The following HS6ST3 variants were observed in gnomAD, a reference collection of about 807,000 sequenced individuals.
HS6ST3 encodes heparan-sulfate 6-O-sulfotransferase 3.
Under a neutral mutation model 36.7 loss-of-function variants are expected in HS6ST3, and 12 were observed. That is an observed-to-expected ratio of 0.33 (90% confidence interval 0.21 to 0.53). HS6ST3 has a LOEUF of 0.53. Among genes scored for constraint, HS6ST3 ranks in the 20% least tolerant of loss-of-function variants. The pLI is 0.95. For synonymous variants in HS6ST3, 240 were observed against 257.5 expected, an observed-to-expected ratio of 0.93 and a Z score of 0.65; for missense variants, 584 against 640.9, an observed-to-expected ratio of 0.91 and a Z score of 0.96.
chr13:96,556,245 G>A (rs2056240340), intron 1 of HS6ST3, among the ~76,000 whole-genome samples: 1 of 152,096 alleles, frequency 6.6e-6, no homozygotes, highest in African/African-American at 2.4e-5. Context: ...GAATAGGAGG[G>A]GCCTGGTTGT....
At position 96,518,703 on chromosome 13, in the gene HS6ST3, T is replaced by C. The variant is rs530402976; in HGVS notation, c.708-313787T>C. On this transcript the variant is annotated intron_variant, in intron 1 of 1. Coordinates refer to ENST00000376705, the MANE Select transcript of HS6ST3 (RefSeq NM_153456.4). ...TTGCAGGTTTTTTAAGCTGTAAACA[T>C]TAGAATGTCTGGATTAAGACAGGAA... Among the ~76,000 whole-genome samples the C allele has an allele frequency of 7.9e-5, 12 of 152,292 alleles. No individual in the cohort carries two copies. In the East Asian group the frequency reaches 1.9e-3, roughly 24 times the overall value.
intron 1 of HS6ST3, among the ~76,000 whole-genome samples, chr13:96,110,546 C>T (rs1168252121): frequency 1.3e-5 from 2 of 151,786 alleles, no homozygotes; most frequent in Non-Finnish European, 2.9e-5. Context: ...ACACCATTCT[C>T]CTGCCTCAGC....
intron 1 of HS6ST3, among the ~76,000 whole-genome samples, chr13:96,288,269 A>G (rs1378459746): frequency 3.9e-5 from 6 of 152,142 alleles, no homozygotes; most frequent in Admixed American, 6.5e-5. Flanking sequence ...TGAATTTGTT[A>G]TTGTAATTTA....
chr13:96,319,827 A>G (rs1594752263), intron 1 of HS6ST3, among the ~76,000 whole-genome samples: 1 of 152,284 alleles, frequency 6.6e-6, no homozygotes, highest in East Asian at 1.9e-4. Context: ...AGCACTTGAG[A>G]ACAATCTTTC....
intron 1 of HS6ST3, among the ~76,000 whole-genome samples, chr13:96,524,600 C>T (rs953129789): frequency 6.6e-6 from 1 of 152,214 alleles, no homozygotes; most frequent in Non-Finnish European, 1.5e-5. Flanking sequence ...ATGCCCCTTC[C>T]CCCACCAAGC....
At chr13:96,583,369 A>G (rs941688757) in intron 1 of HS6ST3, among the ~76,000 whole-genome samples, 1 of 151,508 alleles carries the variant, frequency 6.6e-6, no homozygotes, top group African/African-American at 2.4e-5. Flanking sequence ...GCGTGCCACC[A>G]CACCTGACTA....
intron 1 of HS6ST3, among the ~76,000 whole-genome samples, chr13:96,184,094 G>A (rs1449996133): frequency 1.3e-5 from 2 of 151,168 alleles, no homozygotes; most frequent in Non-Finnish European, 1.5e-5. Context: ...TCAGCTACTC[G>A]GGAGGCTGAG....
chr13:96,128,160 C>CT (rs2139309990), intron 1 of HS6ST3, among the ~76,000 whole-genome samples: 1 of 152,312 alleles, frequency 6.6e-6, no homozygotes, highest in Admixed American at 6.5e-5. Flanking sequence ...AAACCCTTAT[C>CT]TGTTTTCTCC....
At chr13:96,159,417 G>A (rs1350301669) in intron 1 of HS6ST3, among the ~76,000 whole-genome samples, 2 of 152,120 alleles carry the variant, frequency 1.3e-5, no homozygotes, top group East Asian at 1.9e-4. Flanking sequence ...ACCATTGCAG[G>A]TTTGCAGAAA....
At chr13:96,496,580 C>A (rs1047905704) in intron 1 of HS6ST3, among the ~76,000 whole-genome samples, 1 of 152,150 alleles carries the variant, frequency 6.6e-6, no homozygotes, top group Non-Finnish European at 1.5e-5. Flanking sequence ...TATGCCTGCT[C>A]GCACCTTTCT....
At chr13:96,763,496 A>C (rs1045378967) in intron 1 of HS6ST3, among the ~76,000 whole-genome samples, 1 of 150,568 alleles carries the variant, frequency 6.6e-6, no homozygotes, top group African/African-American at 2.4e-5. Flanking sequence ...GTCTCAAAAA[A>C]AATTATATAA....
At chr13:96,139,567 A>AAAAAAAAAAT (rs1491242538) in intron 1 of HS6ST3, among the ~76,000 whole-genome samples, 5 of 138,750 alleles carry the variant, frequency 3.6e-5, no homozygotes, top group African/African-American at 1.4e-4. Context: ...AAAAAAAAAA[A>AAAAAAAAAAT]TCCATGTATA....
chr13:96,712,892 G>C (rs984601871), intron 1 of HS6ST3, among the ~76,000 whole-genome samples: 1 of 152,124 alleles, frequency 6.6e-6, no homozygotes, highest in Non-Finnish European at 1.5e-5. Context: ...TAGAAACCAA[G>C]GCCTGTGCAA....
At chr13:96,215,364 G>T (rs2139359642) in intron 1 of HS6ST3, among the ~76,000 whole-genome samples, 1 of 152,236 alleles carries the variant, frequency 6.6e-6, no homozygotes, top group East Asian at 1.9e-4. Context: ...GAAAATCATT[G>T]GTCATTCCAT....
In HS6ST3 at chr13:96,417,784, CGGTA is replaced by C. The variant is rs1309081153; in HGVS notation, c.707+326216_707+326219del. On this transcript the variant is annotated intron_variant, in intron 1 of 1. Coordinates refer to ENST00000376705, the MANE Select transcript of HS6ST3 (RefSeq NM_153456.4). ...CATAATAGTCTATCCTCATTATTCA[CGGTA>C]ACGATGTTCTATAAAGTTGCTGTGA... Among the ~76,000 whole-genome samples, 3 of 149,700 alleles carry C rather than the reference CGGTA, an allele frequency of 2.0e-5. No homozygotes were observed. The South Asian group carries it at 6.3e-4, about 32-fold the overall frequency.
chr13:96,499,846 C>T (rs1338407028), intron 1 of HS6ST3, among the ~76,000 whole-genome samples: 1 of 152,186 alleles, frequency 6.6e-6, no homozygotes, highest in Non-Finnish European at 1.5e-5. Context: ...CCAGGCTGAA[C>T]GCACTGGGGA....
At chr13:96,502,890 AC>A (rs1342061659) in intron 1 of HS6ST3, among the ~76,000 whole-genome samples, 1 of 152,212 alleles carries the variant, frequency 6.6e-6, no homozygotes, top group Admixed American at 6.6e-5. Context: ...CCATGATTTG[AC>A]CAAGAAAAAC....
At chr13:96,130,805 T>G (rs140075535) in intron 1 of HS6ST3, among the ~76,000 whole-genome samples, 2 of 152,246 alleles carry the variant, frequency 1.3e-5, no homozygotes, top group East Asian at 3.9e-4. Flanking sequence ...GAGCTCTTTA[T>G]CCTATCCTTC....
At chr13:96,648,858 T>C (rs1001667308) in intron 1 of HS6ST3, among the ~76,000 whole-genome samples, 2 of 152,108 alleles carry the variant, frequency 1.3e-5, no homozygotes, top group Non-Finnish European at 2.9e-5. Context: ...TGCATAGTAC[T>C]TCCTAGTGTA....
Sources: allele counts gnomAD v4.1 joint callset (sites outside exome capture counted in the v4.1 genomes callset), GRCh38; gene constraint gnomAD v4.1.1; transcripts MANE v1.5; gene names NCBI Gene and HGNC (gene_info 2026-07-23, HGNC 2026-07-21).